The following STXBP4 variants were observed in gnomAD, a reference collection of about 807,000 sequenced individuals.
The protein encoded by STXBP4 is syntaxin binding protein 4.
STXBP4 carries 55 observed loss-of-function variants against 76.1 expected under a neutral mutation model. The observed-to-expected ratio is 0.72, with a 90% CI of 0.58 to 0.91. The LOEUF (loss-of-function observed/expected upper bound fraction) is 0.91, where lower values mean the gene tolerates loss of function less well. Among genes scored for constraint, STXBP4 ranks in the 40% least tolerant of loss-of-function variants. STXBP4 has a pLI of 0.00. For missense variants in STXBP4, 618 were observed against 636.9 expected, an observed-to-expected ratio of 0.97 and a Z score of 0.32; for synonymous variants, 201 against 220.2, an observed-to-expected ratio of 0.91 and a Z score of 0.77.
At chr17:55,062,999 A>AT (rs1464635073) in intron 12 of STXBP4, among the ~76,000 whole-genome samples, 5 of 152,060 alleles carry the variant, frequency 3.3e-5, no homozygotes, top group African/African-American at 4.8e-5. Flanking sequence ...ACTTAGTTGG[A>AT]TTTTTTTTAC....
At chr17:55,000,113 A>C in intron 6 of STXBP4, 1 of 676,404 alleles carries the variant, frequency 1.5e-6, no homozygotes, top group Non-Finnish European at 1.8e-6. Context: ...TATCACTCAA[A>C]ACTATGTTAA....
At chr17:55,102,517 A>G (rs568520064) in intron 16 of STXBP4, among the ~76,000 whole-genome samples, 1 of 152,236 alleles carries the variant, frequency 6.6e-6, no homozygotes, top group East Asian at 1.9e-4. Flanking sequence ...TTCTTTATCC[A>G]GTCTATCATT....
rs1020377303 is a variant in STXBP4, at chr17:55,007,508, G to T, written c.577G>T (p.Val193Phe). The T allele has an allele frequency of 1.2e-6, 2 of 1,610,066 alleles. No homozygotes were observed. Among genetic ancestry groups the T allele is most frequent in the Admixed American group, 3.4e-5 (2 of 59,414 alleles). The change falls in exon 8 of 18, where the codon GTT (valine) becomes TTT (phenylalanine). Residue 193 changes from valine (V) to phenylalanine (F), a missense_variant and splice_region_variant. Coordinates refer to ENST00000376352, the MANE Select transcript of STXBP4 (RefSeq NM_178509.6). ...ATGTGCACCCTGTTGTCTCTTAGAT[G>T]TTGCTTCTGCCTGGACTGAAAATTA... ...NSTVGLSNTDVASAWTENYGL... is the reference protein window; with the variant it reads ...NSTVGLSNTDFASAWTENYGL...
intron 10 of STXBP4, among the ~76,000 whole-genome samples, chr17:55,037,412 G>A (rs1206898602): frequency 6.6e-6 from 1 of 152,054 alleles, no homozygotes; most frequent in East Asian, 1.9e-4. Flanking sequence ...CATGCTCCAG[G>A]TTAGCAATTT....
At chr17:55,118,951 T>C (rs2079813187) in intron 16 of STXBP4, among the ~76,000 whole-genome samples, 1 of 149,310 alleles carries the variant, frequency 6.7e-6, no homozygotes, top group South Asian at 2.1e-4. Flanking sequence ...TTTATATATA[T>C]ATATATATAA....
At chr17:54,973,458 C>T (rs1260087997) in intron 1 of STXBP4, among the ~76,000 whole-genome samples, 1 of 152,156 alleles carries the variant, frequency 6.6e-6, no homozygotes, top group Non-Finnish European at 1.5e-5. Flanking sequence ...CTAGAACAAA[C>T]AGCTTAGACA....
chr17:55,009,908 T>G (rs907767171), intron 8 of STXBP4, among the ~76,000 whole-genome samples: 1 of 152,044 alleles, frequency 6.6e-6, no homozygotes, highest in Non-Finnish European at 1.5e-5. Flanking sequence ...TGTCATAATA[T>G]CAGTATCATC....
At position 54,986,139 on chromosome 17, in the gene STXBP4, T is replaced by C; in HGVS notation, c.-78-3T>C. 2 of 1,225,318 alleles carry C rather than the reference T, an allele frequency of 1.6e-6. No individual in the cohort carries two copies. Among genetic ancestry groups the C allele is most frequent in the Non-Finnish European group, 2.4e-6 (2 of 848,342 alleles). The allele number at this position is 1,225,318 out of a possible 1,614,324, so 75.9% of individuals were successfully genotyped here. A position where few individuals can be genotyped will look rare whatever the true frequency, so the allele number is the denominator to read the frequency against. On this transcript the variant is annotated splice_region_variant and splice_polypyrimidine_tract_variant and intron_variant, in intron 2 of 17. Coordinates refer to ENST00000376352, the MANE Select transcript of STXBP4 (RefSeq NM_178509.6). ...AATTTATTTTCTACTTCTTCAATCC[T>C]AGGAAAAGAAGAATTTCTAGACTCT...
chr17:55,129,582 AAG>A (rs1463672634), intron 16 of STXBP4, among the ~76,000 whole-genome samples: 1 of 152,174 alleles, frequency 6.6e-6, no homozygotes, highest in African/African-American at 2.4e-5. Context: ...GAAAGAAAGA[AAG>A]AAAAGAAAAG....
intron 12 of STXBP4, among the ~76,000 whole-genome samples, chr17:55,068,306 C>A (rs1455672168): frequency 6.6e-6 from 1 of 152,050 alleles, no homozygotes; most frequent in Admixed American, 6.5e-5. Flanking sequence ...TATCTCTTTG[C>A]AGTCTCATTT....
At chr17:55,052,003 A>G (rs1465572113) in intron 12 of STXBP4, among the ~76,000 whole-genome samples, 1 of 152,136 alleles carries the variant, frequency 6.6e-6, no homozygotes, top group African/African-American at 2.4e-5. Context: ...CCTATTATAA[A>G]GTCAAAAAAA....
At chr17:54,981,340 G>A (rs1470670855) in intron 1 of STXBP4, among the ~76,000 whole-genome samples, 1 of 151,542 alleles carries the variant, frequency 6.6e-6, no homozygotes, top group Non-Finnish European at 1.5e-5. Context: ...AGATATGATA[G>A]TGCCTCTGTA....
In STXBP4 at chr17:55,167,855, C is replaced by G. The variant is rs2080384415; in HGVS notation, c.*7944C>G. 6.6e-6 allele frequency: 1 copy of G among 151,986 alleles called. No homozygotes were observed. Among genetic ancestry groups the G allele is most frequent in the Non-Finnish European group, 1.5e-5 (1 of 68,020 alleles). The allele number at this position is 151,986 out of a possible 1,614,324, so 9.4% of individuals were successfully genotyped here. A position where few individuals can be genotyped will look rare whatever the true frequency, so the allele number is the denominator to read the frequency against. On this transcript the variant is annotated 3_prime_UTR_variant, in exon 18 of 18. Transcript: ENST00000376352. Reference sequence around the variant, plus strand: ...GAGAAATTCATCTTTCATCAGCACACACGAGAAGAGACAACAGGAAGACAA... The same window carrying G: ...GAGAAATTCATCTTTCATCAGCACAGACGAGAAGAGACAACAGGAAGACAA...
chr17:54,969,178 G>A (rs73990240), intron 1 of STXBP4, among the ~76,000 whole-genome samples: 2,743 of 152,258 alleles, frequency 0.018, 84 homozygotes, highest in African/African-American at 0.061. Context: ...CTGCTCTGAT[G>A]CCCCTTACAA....
At chr17:55,074,671 A>G (rs2079159033) in intron 13 of STXBP4, among the ~76,000 whole-genome samples, 1 of 152,084 alleles carries the variant, frequency 6.6e-6, no homozygotes, top group Non-Finnish European at 1.5e-5. Flanking sequence ...CCAGCTCTTA[A>G]CTGAGAAACA....
At chr17:55,173,972 G>A (rs2080419380), downstream of STXBP4, among the ~76,000 whole-genome samples, 1 of 152,138 alleles carries the variant, frequency 6.6e-6, no homozygotes, top group South Asian at 2.1e-4. Flanking sequence ...GTCCCTTCAT[G>A]TACATCTCTT....
At chr17:55,047,217 T>TGTGA (rs1491303335) in intron 12 of STXBP4, 63 bp downstream of exon 12, 3 of 900,480 alleles carry the variant, frequency 3.3e-6, no homozygotes, top group Non-Finnish European at 5.1e-6. Flanking sequence ...TGTGTGTGTG[T>TGTGA]GAACATATGA....
intron 16 of STXBP4, among the ~76,000 whole-genome samples, chr17:55,105,638 A>ATTT (rs541274850): frequency 4.2e-5 from 6 of 141,396 alleles, no homozygotes; most frequent in African/African-American, 1.6e-4. Context: ...CCCAGCTAAT[A>ATTT]TTTTTTTTTT....
intron 16 of STXBP4, among the ~76,000 whole-genome samples, chr17:55,119,300 GA>G (rs1006299398): frequency 2.6e-5 from 4 of 152,062 alleles, no homozygotes; most frequent in African/African-American, 9.7e-5. Flanking sequence ...AATATGCAAA[GA>G]AAAAGTTGTT....
Sources: gnomAD v4.1 joint callset for allele counts (sites outside exome capture counted in the v4.1 genomes callset) on GRCh38, gnomAD v4.1.1 for gene constraint, MANE v1.5 for transcripts, NCBI Gene and HGNC (gene_info 2026-07-23, HGNC 2026-07-21) for gene names.